Variants in MTHFD1L observed in about 807,000 individuals in gnomAD.
The protein encoded by MTHFD1L is methylenetetrahydrofolate dehydrogenase (NADP+ dependent) 1 like.
MTHFD1L carries 81 observed loss-of-function variants against 119.5 expected under a neutral mutation model. That is an observed-to-expected ratio of 0.68 (90% CI 0.57 to 0.82). The LOEUF (loss-of-function observed/expected upper bound fraction) is 0.82. MTHFD1L is among the 40% of genes least tolerant of loss of function. The probability of loss-of-function intolerance (pLI) is 0.00; values close to 1 mark genes in which losing one functional copy is unlikely to be tolerated. For synonymous variants in MTHFD1L, 430 were observed against 475.2 expected, an observed-to-expected ratio of 0.90 and a Z score of 1.24; for missense variants, 1,125 against 1,253.4, an observed-to-expected ratio of 0.90 and a Z score of 1.55.
In MTHFD1L at chr6:151,046,616, A is replaced by G. The variant is rs556695917; in HGVS notation, c.2847+9499A>G. On this transcript the variant is annotated intron_variant, in intron 26 of 27. Coordinates refer to ENST00000367321, the MANE Select transcript of MTHFD1L (RefSeq NM_015440.5). ...AAATTGACAACAAAGATACATCTCAATTTAGAGCTTCCAAAAGGCACCCAT... is the reference window on the plus strand; with the variant it reads ...AAATTGACAACAAAGATACATCTCAGTTTAGAGCTTCCAAAAGGCACCCAT... Among the ~76,000 whole-genome samples the G allele has an allele frequency of 5.3e-5, 8 of 151,402 alleles. No individual in the cohort carries two copies. The South Asian group carries it at 1.7e-3, about 32-fold the overall frequency.
chr6:151,005,965 T>A (rs1417799415), intron 20 of MTHFD1L, among the ~76,000 whole-genome samples: 1 of 152,160 alleles, frequency 6.6e-6, no homozygotes, highest in Non-Finnish European at 1.5e-5. Flanking sequence ...TGTAATGCTA[T>A]TTTATGTGTC....
chr6:150,952,610 A>G lies in MTHFD1L; in HGVS notation c.1727-3385A>G, dbSNP rs147423029. Among the ~76,000 whole-genome samples the G allele has an allele frequency of 1.6e-3, 238 of 152,052 alleles. 1 individual carries two copies. Among genetic ancestry groups the G allele is most frequent in the African/African-American group, 5.6e-3 (231 of 41,464 alleles). ...CAGTGTGCGATCTCGGCTCACCGCA[A>G]CCTCCAACTCCCTGGATCAAGCAAT... is the stretch of plus-strand genomic sequence containing the variant. On this transcript the variant is annotated intron_variant, in intron 16 of 27. Coordinates refer to ENST00000367321, the MANE Select transcript of MTHFD1L (RefSeq NM_015440.5).
chr6:151,017,340 G>T (rs517766), intron 24 of MTHFD1L, among the ~76,000 whole-genome samples: 27,019 of 151,226 alleles, frequency 0.18, 3,205 homozygotes, highest in African/African-American at 0.34. Flanking sequence ...TAGAGTGTCA[G>T]AATTTCCCTT....
At position 150,876,138 on chromosome 6, in the gene MTHFD1L, A is replaced by C. The variant is rs574811900; in HGVS notation, c.276A>C (p.Lys92Asn). ...AAGTTCTAAGTTTATTGCAAGAAAA[A>C]AACCCTGCCTTCAAGCCGGTTCTTG... is the stretch of plus-strand genomic sequence containing the variant. Reference protein sequence around the residue: ...SKEVLSLLQEKNPAFKPVLAI... With the variant: ...SKEVLSLLQENNPAFKPVLAI... Residue 92 changes from lysine (K) to asparagine (N), a missense_variant, in exon 2 of 28, where the codon AAA (lysine) becomes AAC (asparagine). Lys to Asn is a moderately conservative substitution (Grantham distance 94). This residue lies in a region of MTHFD1L where 1,058 missense variants were observed against 1,151.2 expected (regional missense o/e 0.92). Transcript: ENST00000367321. The C allele has an allele frequency of 1.7e-5, 27 of 1,605,700 alleles. 1 individual carries two copies. In the East Asian group the frequency reaches 5.6e-4, roughly 33 times the overall value.
chr6:150,944,907 C>G (rs1230058177), intron 14 of MTHFD1L, among the ~76,000 whole-genome samples: 1 of 152,170 alleles, frequency 6.6e-6, no homozygotes, highest in African/African-American at 2.4e-5. Context: ...GGTCATAGGT[C>G]CAATCTCTGA....
chr6:151,066,289 C>G (rs1193993919), intron 26 of MTHFD1L, among the ~76,000 whole-genome samples: 1 of 150,484 alleles, frequency 6.6e-6, no homozygotes, highest in East Asian at 2.0e-4. Flanking sequence ...ACAAAAAAAT[C>G]AGCCTGGCGT....
intron 2 of MTHFD1L, among the ~76,000 whole-genome samples, chr6:150,876,419 A>C (rs1440842016): frequency 6.6e-6 from 1 of 152,144 alleles, no homozygotes; most frequent in Non-Finnish European, 1.5e-5. Context: ...GGAGGTAAGC[A>C]CTTACATGCA....
Position 151,052,378 on chromosome 6 carries a change from A to G in MTHFD1L, c.2847+15261A>G, listed in dbSNP as rs148132186. Among the ~76,000 whole-genome samples, 307 of 152,282 alleles carry G rather than the reference A, an allele frequency of 2.0e-3. 2 individuals are homozygous for G. The highest frequency in any genetic ancestry group is 7.1e-3 in the African/African-American group (293 of 41,560). On this transcript the variant is annotated intron_variant, in intron 26 of 27. Coordinates refer to ENST00000367321, the MANE Select transcript of MTHFD1L (RefSeq NM_015440.5). Reference sequence around the variant, plus strand: ...AGGTTACCAAGACTGGAAAGACCCAATCCCTGTCCTGGAAGCTTAGTGTTG... The same window carrying G: ...AGGTTACCAAGACTGGAAAGACCCAGTCCCTGTCCTGGAAGCTTAGTGTTG...
chr6:150,898,877 C>A, intron 7 of MTHFD1L: 4 of 434,108 alleles, frequency 9.2e-6, no homozygotes, highest in East Asian at 1.1e-4. Flanking sequence ...CTCGTTCTGT[C>A]ACCAGGCTGG....
chr6:151,024,150 C>T (rs144785541), intron 24 of MTHFD1L, among the ~76,000 whole-genome samples: 1,566 of 152,010 alleles, frequency 0.01, 20 homozygotes, highest in African/African-American at 0.035. Flanking sequence ...GAACACGGAA[C>T]GAGCGTTGCA....
At chr6:150,924,602 G>A (rs896948308) in intron 10 of MTHFD1L, among the ~76,000 whole-genome samples, 7 of 151,900 alleles carry the variant, frequency 4.6e-5, no homozygotes, top group South Asian at 2.1e-4. Context: ...TCGGCCTCCC[G>A]AGTAGCTGGG....
Position 150,982,412 on chromosome 6 carries a change from CAT to C in MTHFD1L, c.2125+10355_2125+10356del, listed in dbSNP as rs1385225555. Among the ~76,000 whole-genome samples the C allele has an allele frequency of 2.6e-5, 4 of 152,178 alleles. No homozygotes were observed. In the South Asian group the frequency reaches 8.3e-4, roughly 32 times the overall value. Reference sequence around the variant, plus strand: ...CCTGCAGTTTAGCCTTCTGTGCGTGCATGTAGCACGTGCATTTGTGCATTATT... The same window carrying C: ...CCTGCAGTTTAGCCTTCTGTGCGTGCGTAGCACGTGCATTTGTGCATTATT... On this transcript the variant is annotated intron_variant, in intron 20 of 27. Transcript: ENST00000367321.
At chr6:150,987,044 T>C (rs1778409854) in intron 20 of MTHFD1L, among the ~76,000 whole-genome samples, 1 of 152,190 alleles carries the variant, frequency 6.6e-6, no homozygotes, top group African/African-American at 2.4e-5. Flanking sequence ...AAATGCATTA[T>C]GAAGAAAAAC....
intron 26 of MTHFD1L, among the ~76,000 whole-genome samples, chr6:151,053,030 T>G (rs1446251498): frequency 6.6e-6 from 1 of 152,236 alleles, no homozygotes; most frequent in East Asian, 1.9e-4. Context: ...AAATGGACTA[T>G]TATTTGCTAC....
chr6:151,082,923 A>T (rs1163263969), intron 26 of MTHFD1L, among the ~76,000 whole-genome samples: 1 of 152,112 alleles, frequency 6.6e-6, no homozygotes, highest in Non-Finnish European at 1.5e-5. Flanking sequence ...TTTGCCCCAC[A>T]CCTGAAAGTC....
chr6:151,036,210 G>A (rs1584252362), intron 25 of MTHFD1L, among the ~76,000 whole-genome samples: 1 of 152,162 alleles, frequency 6.6e-6, no homozygotes, highest in East Asian at 1.9e-4. Context: ...GAAGCCAGGA[G>A]TTTGAGACCA....
chr6:151,047,489 G>A (rs1185817815), intron 26 of MTHFD1L, among the ~76,000 whole-genome samples: 1 of 152,208 alleles, frequency 6.6e-6, no homozygotes, highest in Non-Finnish European at 1.5e-5. Flanking sequence ...GTCCCAGAAT[G>A]AAAATGTATA....
At chr6:150,994,077 A>AGGAAGGAAGGAAGGAAGGAAGG (rs1554273889) in intron 20 of MTHFD1L, among the ~76,000 whole-genome samples, 13 of 105,312 alleles carry the variant, frequency 1.2e-4, no homozygotes, top group African/African-American at 4.1e-4. Flanking sequence ...AAAAAAAAAA[A>AGGAAGGAAGGAAGGAAGGAAGG]AAAGAAAGAA....
intron 20 of MTHFD1L, among the ~76,000 whole-genome samples, chr6:151,004,008 T>TTTA (rs1491234281): frequency 7.9e-6 from 1 of 126,028 alleles, no homozygotes. Flanking sequence ...TGCTTTTTTT[T>TTTA]AAAAAAAAAA....
Sources: gnomAD v4.1 joint callset for allele counts (sites outside exome capture counted in the v4.1 genomes callset) on GRCh38, gnomAD v4.1.1 for gene constraint, gnomAD v4.1.1 regional missense constraint, MANE v1.5 for transcripts, NCBI Gene and HGNC (gene_info 2026-07-23, HGNC 2026-07-21) for gene names.